NFKB1: variants seen among roughly 807,000 people sequenced by gnomAD.
The protein encoded by NFKB1 is nuclear factor NF-kappa-B p105 subunit.
In NFKB1, 9 loss-of-function variants were observed where a neutral mutation model predicts 105.1. The observed-to-expected ratio is 0.09, with a 90% CI of 0.05 to 0.15. NFKB1 has a LOEUF of 0.15. Ranked by LOEUF, NFKB1 falls within the 10% of genes least tolerant of loss-of-function variation. The pLI, the probability that NFKB1 is intolerant of heterozygous loss-of-function variation, is 1.00. For missense variants in NFKB1, 830 were observed against 1,203.7 expected, an observed-to-expected ratio of 0.69 and a Z score of 4.59; for synonymous variants, 440 against 442.2, an observed-to-expected ratio of 1.00 and a Z score of 0.06.
chr4:102,533,904 G>T lies in NFKB1; in HGVS notation c.159+19G>T, dbSNP rs368001088. ...TAAACAGGTAAGATTAAAGGGGTGG[G>T]ACTTTAAATGTTAGATTCCAGTGTC... On this transcript the variant is annotated intron_variant, in intron 4 of 23. Coordinates refer to ENST00000226574, the MANE Select transcript of NFKB1 (RefSeq NM_003998.4). 1 of 1,601,446 alleles carries T rather than the reference G, an allele frequency of 6.2e-7. No individual in the cohort carries two copies. The highest frequency in any genetic ancestry group is 8.5e-7 in the Non-Finnish European group (1 of 1,170,492).
At chr4:102,515,696 G>A (rs1740133068) in intron 1 of NFKB1, among the ~76,000 whole-genome samples, 1 of 152,076 alleles carries the variant, frequency 6.6e-6, no homozygotes, top group Non-Finnish European at 1.5e-5. Flanking sequence ...CTTCTGTGCT[G>A]TTATTGTTAT....
chr4:102,588,778 A>C (rs995544275), intron 11 of NFKB1, among the ~76,000 whole-genome samples: 1 of 152,346 alleles, frequency 6.6e-6, no homozygotes, highest in Admixed American at 6.5e-5. Context: ...ACAGCCTAAC[A>C]TAATGAAAAC....
intron 6 of NFKB1, among the ~76,000 whole-genome samples, chr4:102,568,275 C>G (rs563445709): frequency 2.6e-5 from 4 of 151,218 alleles, no homozygotes; most frequent in Admixed American, 2.0e-4. Context: ...AAATCGGATT[C>G]TTTTGATGTT....
At chr4:102,570,817 C>T (rs1724276766) in intron 6 of NFKB1, among the ~76,000 whole-genome samples, 1 of 152,182 alleles carries the variant, frequency 6.6e-6, no homozygotes, top group African/African-American at 2.4e-5. Flanking sequence ...CAAACCCCTG[C>T]TTAATGAAAT....
At chr4:102,567,727 C>T (rs1193091229) in intron 6 of NFKB1, among the ~76,000 whole-genome samples, 1 of 152,148 alleles carries the variant, frequency 6.6e-6, no homozygotes, top group East Asian at 1.9e-4. Flanking sequence ...AAGGGTTGAT[C>T]AAATAAAACA....
At chr4:102,544,590 A>C (rs1378032784) in intron 5 of NFKB1, among the ~76,000 whole-genome samples, 1 of 152,166 alleles carries the variant, frequency 6.6e-6, no homozygotes, top group East Asian at 1.9e-4. Flanking sequence ...TCCCTCCCAT[A>C]TGTAACCACA....
Position 102,579,053 on chromosome 4 carries a change from T to G in NFKB1, c.730+14T>G. ...TCTATGACAGTAGTGAGTACTTCAC[T>G]TCCAACAGGGGGCACACCAAGAATA... On this transcript the variant is annotated intron_variant, in intron 8 of 23. Transcript: ENST00000226574. 1 of 1,608,538 alleles carries G rather than the reference T, an allele frequency of 6.2e-7. No individual in the cohort carries two copies. The highest frequency in any genetic ancestry group is 1.3e-5 in the African/African-American group (1 of 74,936).
At chr4:102,538,764 T>C (rs1741803416) in intron 5 of NFKB1, among the ~76,000 whole-genome samples, 1 of 152,210 alleles carries the variant, frequency 6.6e-6, no homozygotes, top group Admixed American at 6.5e-5. Flanking sequence ...AGTCAACAAT[T>C]GTAATTTAGT....
chr4:102,524,171 TAAG>T (rs139620613), intron 1 of NFKB1, among the ~76,000 whole-genome samples: 3,399 of 152,218 alleles, frequency 0.022, 58 homozygotes, highest in African/African-American at 0.057. Flanking sequence ...TGAATAATAA[TAAG>T]GACATTTCTC....
At chr4:102,503,632 G>T (rs1164329288) in intron 1 of NFKB1, 1 of 151,988 alleles carries the variant, frequency 6.6e-6, no homozygotes, top group Admixed American at 6.5e-5. Flanking sequence ...TAAATACTGG[G>T]GGTATACATA....
At chr4:102,564,735 A>G (rs1156993114) in intron 5 of NFKB1, among the ~76,000 whole-genome samples, 2 of 152,240 alleles carry the variant, frequency 1.3e-5, no homozygotes, top group East Asian at 3.8e-4. Context: ...GAGCCCAGTT[A>G]TCTGACGTGA....
chr4:102,567,439 G>A (rs527710566), intron 6 of NFKB1, among the ~76,000 whole-genome samples: 13 of 152,196 alleles, frequency 8.5e-5, no homozygotes, highest in Middle Eastern at 3.4e-3. Flanking sequence ...AGGTATTTGT[G>A]CCACTATTAA....
At chr4:102,580,703 G>T in intron 9 of NFKB1, 64 bp downstream of exon 9, 1 of 1,284,624 alleles carries the variant, frequency 7.8e-7, no homozygotes, top group Non-Finnish European at 1.1e-6. Context: ...AGTTCTGAGT[G>T]TGTCTGTGAG....
chr4:102,554,555 T>C (rs1342789290), intron 5 of NFKB1, among the ~76,000 whole-genome samples: 2 of 152,210 alleles, frequency 1.3e-5, no homozygotes, highest in African/African-American at 2.4e-5. Flanking sequence ...ATTACAACTT[T>C]AGGGAGTTTA....
chr4:102,604,119 A>G (rs1312459331), intron 16 of NFKB1, among the ~76,000 whole-genome samples: 1 of 152,186 alleles, frequency 6.6e-6, no homozygotes, highest in Non-Finnish European at 1.5e-5. Context: ...CCACCCTGAC[A>G]ATGCCCAGGT....
intron 13 of NFKB1, 136 bp from the exon 14 acceptor site, chr4:102,596,002 G>T (rs1726578079): frequency 6.0e-6 from 3 of 501,882 alleles, no homozygotes; most frequent in Middle Eastern, 5.4e-4. Context: ...ATTTTTAAAA[G>T]AATTTTAAAT....
chr4:102,596,803 C>T (rs1726654844), intron 14 of NFKB1, among the ~76,000 whole-genome samples: 1 of 151,846 alleles, frequency 6.6e-6, no homozygotes. Context: ...TGAACCAATA[C>T]TTATTAGCAT....
chr4:102,612,390 T>G, intron 21 of NFKB1, 44 bp from the exon 22 acceptor site: 1 of 1,591,514 alleles, frequency 6.3e-7, no homozygotes, highest in South Asian at 1.1e-5. Context: ...CCAGAGTGTC[T>G]ATGGCATGTT....
chr4:102,535,674 C>T (rs1419478227), intron 4 of NFKB1, among the ~76,000 whole-genome samples: 1 of 152,140 alleles, frequency 6.6e-6, no homozygotes, highest in Non-Finnish European at 1.5e-5. Context: ...CATTTGACGA[C>T]ATCTTCCTGA....
Sources: gnomAD v4.1 joint callset for allele counts (sites outside exome capture counted in the v4.1 genomes callset) on GRCh38, gnomAD v4.1.1 for gene constraint, MANE v1.5 for transcripts, NCBI Gene and HGNC (gene_info 2026-07-23, HGNC 2026-07-21) for gene names.